LCOR: variants seen among roughly 807,000 people sequenced by gnomAD.
The protein encoded by LCOR is ligand-dependent corepressor.
Under a neutral mutation model 64.4 loss-of-function variants are expected in LCOR, and 14 were observed. That is an observed-to-expected ratio of 0.22 (90% CI 0.14 to 0.34). The LOEUF is 0.34. LCOR is among the 10% of genes least tolerant of loss of function. The pLI is 1.00. For missense variants in LCOR, 1,686 were observed against 1,765.3 expected (o/e 0.96, Z 0.80); for synonymous variants, 643 against 642.5 (o/e 1.00, Z -0.01).
chr10:96,928,282 T>G (rs969477662), intron 4 of LCOR, among the ~76,000 whole-genome samples: 1 of 152,252 alleles, frequency 6.6e-6, no homozygotes, highest in African/African-American at 2.4e-5. Context: ...CTGTATCAAC[T>G]AAGTTTGCTT....
At chr10:96,965,039 C>T (rs1410805156) in intron 7 of LCOR, among the ~76,000 whole-genome samples, 4 of 151,462 alleles carry the variant, frequency 2.6e-5, no homozygotes, top group Non-Finnish European at 4.4e-5. Context: ...GATGGAGTCT[C>T]GCTCTGTCTC....
intron 2 of LCOR, among the ~76,000 whole-genome samples, chr10:96,856,135 A>G (rs941205111): frequency 4.7e-5 from 7 of 150,418 alleles, no homozygotes; most frequent in African/African-American, 1.2e-4. Flanking sequence ...CAGTGGCGCA[A>G]TCTCACCTCG....
At chr10:96,846,845 T>C (rs762833843) in intron 2 of LCOR, among the ~76,000 whole-genome samples, 68 of 152,226 alleles carry the variant, frequency 4.5e-4, no homozygotes, top group Non-Finnish European at 8.2e-4. Flanking sequence ...TTTGGTCCCC[T>C]TCTCCTTAGG....
chr10:96,851,782 G>A (rs556580329), intron 2 of LCOR, among the ~76,000 whole-genome samples: 2 of 152,204 alleles, frequency 1.3e-5, no homozygotes, highest in Non-Finnish European at 2.9e-5. Context: ...TGAGAACATA[G>A]CATTGTAGAT....
chr10:96,954,438 G>A (rs1271535013), intron 7 of LCOR, among the ~76,000 whole-genome samples: 4 of 145,356 alleles, frequency 2.8e-5, no homozygotes, highest in African/African-American at 1.0e-4. Flanking sequence ...GGATAAATGA[G>A]CAATTATTTA....
At chr10:96,972,326 TG>T (rs1848006089) in intron 7 of LCOR, among the ~76,000 whole-genome samples, 1 of 152,138 alleles carries the variant, frequency 6.6e-6, no homozygotes, top group Non-Finnish European at 1.5e-5. Context: ...CGTTAGATTT[TG>T]CATAGTCTTA....
At chr10:96,926,571 A>G (rs890236599) in intron 4 of LCOR, among the ~76,000 whole-genome samples, 2 of 152,166 alleles carry the variant, frequency 1.3e-5, no homozygotes, top group Admixed American at 1.3e-4. Flanking sequence ...CTGAGATAGT[A>G]TTTATGTACA....
At chr10:96,882,137 A>T (rs1156726850) in intron 2 of LCOR, among the ~76,000 whole-genome samples, 1 of 152,204 alleles carries the variant, frequency 6.6e-6, no homozygotes, top group African/African-American at 2.4e-5. Flanking sequence ...ACAACATATT[A>T]ATGAAAAATT....
At chr10:96,874,081 G>C (rs1237100136) in intron 2 of LCOR, among the ~76,000 whole-genome samples, 1 of 152,094 alleles carries the variant, frequency 6.6e-6, no homozygotes, top group Non-Finnish European at 1.5e-5. Flanking sequence ...TACTAAAATA[G>C]AAAACATTAG....
intron 4 of LCOR, among the ~76,000 whole-genome samples, chr10:96,924,149 T>A (rs1410157297): frequency 6.6e-6 from 1 of 152,128 alleles, no homozygotes; most frequent in Non-Finnish European, 1.5e-5. Flanking sequence ...GAGGAGAAGG[T>A]GGAGGAGAAA....
intron 2 of LCOR, among the ~76,000 whole-genome samples, chr10:96,839,362 G>A (rs1283768672): frequency 1.3e-5 from 2 of 152,152 alleles, no homozygotes; most frequent in African/African-American, 4.8e-5. Context: ...CTAAACTGCA[G>A]GATACCTTAT....
At chr10:96,928,271 G>A (rs984043735) in intron 4 of LCOR, among the ~76,000 whole-genome samples, 2 of 152,152 alleles carry the variant, frequency 1.3e-5, no homozygotes, top group African/African-American at 4.8e-5. Flanking sequence ...CCCCATTGCT[G>A]CTGTATCAAC....
chr10:96,915,855 A>T, intron 4 of LCOR: 1 of 490,980 alleles, frequency 2.0e-6, no homozygotes. Context: ...TAGTCCTTTA[A>T]CTTGGCATTA....
rs903249697 is a variant in LCOR, at chr10:96,907,229, T to TTAA, written c.-329-34_-329-33insATA. Reference sequence around the variant, plus strand: ...AGATTATTCAATACTAGAATGAATATTATTGTGGTAATGGATTTTGTTTTT... The same window carrying TTAA: ...AGATTATTCAATACTAGAATGAATATTAATATTGTGGTAATGGATTTTGTTTTT... On this transcript the variant is annotated intron_variant, in intron 2 of 7. Coordinates refer to ENST00000421806, the MANE Select transcript of LCOR (RefSeq NM_001346516.2). 1.3e-5 allele frequency: 10 copies of TTAA among 741,616 alleles called. No homozygotes were observed. In the African/African-American group the frequency reaches 1.9e-4, roughly 14 times the overall value. The allele number at this position is 741,616 out of a possible 1,614,324, so 45.9% of individuals were successfully genotyped here. A position where few individuals can be genotyped will look rare whatever the true frequency, so the allele number is the denominator to read the frequency against.
chr10:96,884,814 C>T (rs1212221281), intron 2 of LCOR, among the ~76,000 whole-genome samples: 1 of 152,070 alleles, frequency 6.6e-6, no homozygotes, highest in Non-Finnish European at 1.5e-5. Context: ...TATTAAAACC[C>T]AAGTTGGTTT....
intron 7 of LCOR, among the ~76,000 whole-genome samples, chr10:96,953,112 T>C (rs1847710064): frequency 1.3e-5 from 2 of 152,322 alleles, no homozygotes; most frequent in South Asian, 4.2e-4. Flanking sequence ...TTATTTTCTC[T>C]AAAATTCCAA....
At chr10:96,904,632 T>C (rs1263806773) in intron 2 of LCOR, among the ~76,000 whole-genome samples, 1 of 152,218 alleles carries the variant, frequency 6.6e-6, no homozygotes, top group Non-Finnish European at 1.5e-5. Flanking sequence ...AATTTTTCTT[T>C]ATATGTGATA....
chr10:96,876,330 A>C (rs1026338092), intron 2 of LCOR, among the ~76,000 whole-genome samples: 3 of 152,154 alleles, frequency 2.0e-5, no homozygotes, highest in Non-Finnish European at 4.4e-5. Flanking sequence ...ACCTTACTTA[A>C]TCCTAATTAC....
chr10:96,863,220 T>TTG (rs1160432558), intron 2 of LCOR, among the ~76,000 whole-genome samples: 1 of 150,232 alleles, frequency 6.7e-6, no homozygotes, highest in African/African-American at 2.4e-5. Context: ...TTTTTTTTTT[T>TTG]TGTGATGGAG....
Sources: allele counts gnomAD v4.1 joint callset (sites outside exome capture counted in the v4.1 genomes callset), GRCh38; gene constraint gnomAD v4.1.1; transcripts MANE v1.5; gene names NCBI Gene and HGNC (gene_info 2026-07-23, HGNC 2026-07-21).